The following MSI2 variants were observed in gnomAD, a reference collection of about 807,000 sequenced individuals.
MSI2 encodes the protein RNA-binding protein Musashi homolog 2.
Under a neutral mutation model 45.6 loss-of-function variants are expected in MSI2, and 17 were observed. The observed-to-expected ratio is 0.37, with a 90% confidence interval of 0.26 to 0.56. MSI2 has a LOEUF of 0.56. MSI2 is among the 20% of genes least tolerant of loss of function. The probability of loss-of-function intolerance (pLI) is 0.77; values close to 1 mark genes in which losing one functional copy is unlikely to be tolerated. For missense variants in MSI2, 293 were observed against 444.2 expected (o/e 0.66, Z 3.06); for synonymous variants, 156 against 158.2 (o/e 0.99, Z 0.11).
intron 10 of MSI2, chr17:57,633,240 G>A (rs768310637): frequency 6.7e-5 from 64 of 954,686 alleles, no homozygotes; most frequent in Non-Finnish European, 8.1e-5. Context: ...CTCCGGGGGA[G>A]GTGAATGCAC....
intron 6 of MSI2, among the ~76,000 whole-genome samples, chr17:57,465,154 G>A (rs2085306360): frequency 6.6e-6 from 1 of 152,164 alleles, no homozygotes; most frequent in African/African-American, 2.4e-5. Flanking sequence ...TAGATGACTA[G>A]TTCTGAAAAC....
Position 57,581,004 on chromosome 17 carries a change from C to CTTTTTTT in MSI2, c.455-15844_455-15838dup, listed in dbSNP as rs3059122. Among the ~76,000 whole-genome samples the CTTTTTTT allele has an allele frequency of 2.1e-3, 137 of 66,496 alleles. 33 individuals carry two copies. Among genetic ancestry groups the CTTTTTTT allele is most frequent in the African/African-American group, 3.8e-3 (62 of 16,242 alleles). The allele number at this position is 66,496 out of a possible 152,430, so 43.6% of individuals were successfully genotyped here. A position where few individuals can be genotyped will look rare whatever the true frequency, so the allele number is the denominator to read the frequency against. On this transcript the variant is annotated intron_variant, in intron 7 of 13. Coordinates refer to ENST00000284073, the MANE Select transcript of MSI2 (RefSeq NM_138962.4). ...CATGCCAGCCCCATGAGGTCAGCAT[C>CTTTTTTT]TTTTTTTTTTTTTTTTTTTTTTTTT...
At chr17:57,677,496 C>G (rs1284920778) in intron 13 of MSI2, among the ~76,000 whole-genome samples, 1 of 152,188 alleles carries the variant, frequency 6.6e-6, no homozygotes, top group Non-Finnish European at 1.5e-5. Flanking sequence ...CCTGGAGGTC[C>G]TTTGAGCTGG....
chr17:57,606,984 G>T (rs1906668649), intron 8 of MSI2, among the ~76,000 whole-genome samples: 1 of 152,034 alleles, frequency 6.6e-6, no homozygotes, highest in East Asian at 1.9e-4. Context: ...ACTGTGCTTT[G>T]TGACCTTGGG....
At chr17:57,385,449 C>T (rs1366989245) in intron 5 of MSI2, among the ~76,000 whole-genome samples, 2 of 152,064 alleles carry the variant, frequency 1.3e-5, no homozygotes, top group Non-Finnish European at 2.9e-5. Context: ...TCTGCTCATT[C>T]GAGACGAGCC....
At chr17:57,633,423 C>T (rs981095809) in intron 10 of MSI2, among the ~76,000 whole-genome samples, 6 of 152,248 alleles carry the variant, frequency 3.9e-5, no homozygotes, top group Non-Finnish European at 7.3e-5. Flanking sequence ...TGCACAGTAT[C>T]GCCCCGATGC....
At chr17:57,700,991 A>G in the MSI2 span, among the ~76,000 whole-genome samples, 1 of 152,296 alleles carries the variant, frequency 6.6e-6, no homozygotes, top group East Asian at 1.9e-4. Context: ...TCAGTTGAGC[A>G]GATTTGGAGT....
Position 57,556,221 on chromosome 17 carries a change from G to A in MSI2, c.454+26497G>A, listed in dbSNP as rs938847592. Reference sequence around the variant, plus strand: ...AATTGATTAAGTTGCAGTGGAGCTTGCCCTAAAAGGAAATGATTGATAATC... The same window carrying A: ...AATTGATTAAGTTGCAGTGGAGCTTACCCTAAAAGGAAATGATTGATAATC... On this transcript the variant is annotated intron_variant, in intron 7 of 13. Transcript: ENST00000284073. Among the ~76,000 whole-genome samples the A allele has an allele frequency of 3.3e-5, 5 of 152,268 alleles. No homozygotes were observed. In the Middle Eastern group the frequency reaches 0.01, roughly 311 times the overall value.
chr17:57,343,747 C>CT lies in MSI2; in HGVS notation c.313-57629dup, dbSNP rs565269580. 2.7e-3 allele frequency among the ~76,000 whole-genome samples: 418 copies of CT among 152,292 alleles called. 1 individual carries two copies. The highest frequency in any genetic ancestry group is 9.7e-3 in the African/African-American group (403 of 41,562). ...TAACATTTAGGTTTTTTTGATGACT[C>CT]TTTCGTCTGCTTTAACCTGGAATAT... On this transcript the variant is annotated intron_variant, in intron 5 of 13. Coordinates refer to ENST00000284073, the MANE Select transcript of MSI2 (RefSeq NM_138962.4).
intron 6 of MSI2, among the ~76,000 whole-genome samples, chr17:57,414,637 G>A (rs2084260234): frequency 6.6e-6 from 1 of 152,086 alleles, no homozygotes; most frequent in Non-Finnish European, 1.5e-5. Context: ...AAGGAGGTGA[G>A]CATCTGCCCG....
At chr17:57,406,347 C>T (rs1389075252) in intron 6 of MSI2, among the ~76,000 whole-genome samples, 2 of 152,182 alleles carry the variant, frequency 1.3e-5, no homozygotes, top group African/African-American at 4.8e-5. Flanking sequence ...TCCACACACA[C>T]GGGCTTCCTC....
chr17:57,445,555 G>C (rs1366829372), intron 6 of MSI2, among the ~76,000 whole-genome samples: 2 of 151,884 alleles, frequency 1.3e-5, no homozygotes, highest in Non-Finnish European at 2.9e-5. Context: ...GGGCGGTGGG[G>C]GGGGGTGCAT....
intron 5 of MSI2, among the ~76,000 whole-genome samples, chr17:57,363,230 A>G (rs945419132): frequency 1.3e-5 from 2 of 152,218 alleles, no homozygotes; most frequent in Non-Finnish European, 2.9e-5. Context: ...GACCTTGAAG[A>G]CGTGCTAAGT....
chr17:57,299,880 G>A (rs1387275410), intron 5 of MSI2, among the ~76,000 whole-genome samples: 1 of 152,152 alleles, frequency 6.6e-6, no homozygotes, highest in Non-Finnish European at 1.5e-5. Flanking sequence ...GAAATGAGGT[G>A]TGCCTGCCTT....
intron 5 of MSI2, among the ~76,000 whole-genome samples, chr17:57,268,759 T>A (rs1394784324): frequency 6.6e-6 from 1 of 152,044 alleles, no homozygotes; most frequent in Non-Finnish European, 1.5e-5. Context: ...TGCTTGAATC[T>A]GGGAGGCGGA....
chr17:57,595,166 G>C (rs1022417556), intron 7 of MSI2, among the ~76,000 whole-genome samples: 1 of 152,138 alleles, frequency 6.6e-6, no homozygotes, highest in Admixed American at 6.5e-5. Context: ...GAGTCAGAAG[G>C]GACCTGAGAA....
chr17:57,425,382 A>ATC lies in MSI2; in HGVS notation c.405+23914_405+23915dup, dbSNP rs1029384055. ...AAACAGAGAACTAACAAATCCTCTC[A>ATC]TCTCATCACCATGAGATAACCCACA... is the stretch of plus-strand genomic sequence containing the variant. On this transcript the variant is annotated intron_variant, in intron 6 of 13. Transcript: ENST00000284073. Among the ~76,000 whole-genome samples the ATC allele has an allele frequency of 6.6e-5, 10 of 152,352 alleles. No homozygotes were observed. In the South Asian group the frequency reaches 8.3e-4, roughly 13 times the overall value.
intron 7 of MSI2, among the ~76,000 whole-genome samples, chr17:57,563,746 G>GCGCACACACACACACACACACA (rs534460755): frequency 1.4e-4 from 20 of 139,396 alleles, no homozygotes; most frequent in Non-Finnish European, 2.7e-4. Flanking sequence ...ACACAGGCGC[G>GCGCACACACACACACACACACA]CACACACACA....
At position 57,456,338 on chromosome 17, in the gene MSI2, A is replaced by G. The variant is rs544835135; in HGVS notation, c.405+54867A>G. Among the ~76,000 whole-genome samples, 17 of 152,322 alleles carry G rather than the reference A, an allele frequency of 1.1e-4. No homozygotes were observed. The South Asian group carries it at 1.9e-3, about 17-fold the overall frequency. ...GAACATCACAGCTTTGGCCGGGCGC[A>G]GTGGCTCACGCCTATAATCCCAGCA... On this transcript the variant is annotated intron_variant, in intron 6 of 13. Transcript: ENST00000284073.
Sources: gnomAD v4.1 joint callset for allele counts (sites outside exome capture counted in the v4.1 genomes callset) on GRCh38, gnomAD v4.1.1 for gene constraint, MANE v1.5 for transcripts, NCBI Gene and HGNC (gene_info 2026-07-23, HGNC 2026-07-21) for gene names.